The following TYK2 variants were observed in gnomAD, a reference collection of about 807,000 sequenced individuals.
The protein encoded by TYK2 is tyrosine kinase 2.
TYK2 carries 65 observed loss-of-function variants against 130.9 expected under a neutral mutation model. The observed-to-expected ratio is 0.50, with a 90% CI of 0.41 to 0.61. The LOEUF is 0.61. Among genes scored for constraint, TYK2 ranks in the 20% least tolerant of loss-of-function variants. The probability of loss-of-function intolerance (pLI) is 0.00; values close to 1 mark genes in which losing one functional copy is unlikely to be tolerated. For synonymous variants in TYK2, 647 were observed against 658.9 expected, an observed-to-expected ratio of 0.98 and a Z score of 0.28; for missense variants, 1,378 against 1,610.7, an observed-to-expected ratio of 0.86 and a Z score of 2.47.
intron 1 of TYK2, among the ~76,000 whole-genome samples, chr19:10,380,160 C>T (rs1180633762): frequency 6.6e-6 from 1 of 152,232 alleles, no homozygotes; most frequent in African/African-American, 2.4e-5. Context: ...TTAGCCTTTG[C>T]CATTAATACC....
chr19:10,354,708 G>A (rs2040998690), intron 18 of TYK2, 99 bp from the exon 19 acceptor site: 2 of 971,854 alleles, frequency 2.1e-6, no homozygotes, highest in African/African-American at 1.6e-5. Flanking sequence ...CCCAGGATCC[G>A]ATTCTAGAGG....
chr19:10,357,592 TAAAA>T (rs1007003558), intron 17 of TYK2, 168 bp downstream of exon 17: 32 of 894,022 alleles, frequency 3.6e-5, no homozygotes, highest in Non-Finnish European at 5.0e-5. Context: ...CACAAGGACC[TAAAA>T]AGGCTGGGAC....
Position 10,353,329 on chromosome 19 carries a change from G to A in TYK2, c.3027+199C>T, listed in dbSNP as rs901717933. 5.2e-6 allele frequency: 3 copies of A among 577,512 alleles called. No homozygotes were observed. The highest frequency in any genetic ancestry group is 5.4e-5 in the South Asian group (2 of 36,716). 35.8% of individuals were successfully genotyped at this position (577,512 alleles called of 1,614,324 possible). The stretch of plus-strand genomic sequence containing the variant: ...GCAGGAGGGCGAGTTGGGAGGGGCC[G>A]AGCCGGCTGTGCGTGGTCCCTTGGG... On this transcript the variant is annotated intron_variant, in intron 21 of 24. Coordinates refer to ENST00000525621, the MANE Select transcript of TYK2 (RefSeq NM_003331.5). This position sits in a 1 kb window ranked among gnomAD's most constrained non-coding sequence, Gnocchi z 6.9.
Position 10,353,658 on chromosome 19 carries a change from A to G in TYK2, c.2909-12T>C, listed in dbSNP as rs1333557220. On this transcript the variant is annotated splice_polypyrimidine_tract_variant and intron_variant, in intron 20 of 24. Transcript: ENST00000525621. This position sits in a 1 kb window ranked among gnomAD's most constrained non-coding sequence, Gnocchi z 6.9. ...CAGCGACTTCTCGCCTGCCGCGGAG[A>G]GGGGCGGCCCCGGTGGGGGACGATA... The G allele has an allele frequency of 1.4e-6, 2 of 1,465,652 alleles. No homozygotes were observed. Among genetic ancestry groups the G allele is most frequent in the African/African-American group, 2.8e-5 (2 of 70,680 alleles). 90.8% of individuals were successfully genotyped at this position (1,465,652 alleles called of 1,614,324 possible). A position where few individuals can be genotyped will look rare whatever the true frequency, so the allele number is the denominator to read the frequency against.
intron 1 of TYK2, 52 bp downstream of exon 1, chr19:10,380,328 C>A (rs760571941): frequency 6.6e-6 from 1 of 152,650 alleles, no homozygotes; most frequent in Admixed American, 6.5e-5. Context: ...TGTCCTCCCC[C>A]CAAAACCTCT....
At chr19:10,355,680 T>C (rs1298870910) in intron 18 of TYK2, among the ~76,000 whole-genome samples, 8 of 120,980 alleles carry the variant, frequency 6.6e-5, no homozygotes, top group Admixed American at 2.5e-4. Context: ...AAAAAGAAAA[T>C]AGGTCAGGCG....
intron 3 of TYK2, among the ~76,000 whole-genome samples, chr19:10,370,675 G>A (rs2041875666): frequency 6.6e-6 from 1 of 151,830 alleles, no homozygotes; most frequent in South Asian, 2.1e-4. Flanking sequence ...AAAATTAGCT[G>A]GGTGTGGGGG....
chr19:10,357,814 C>T lies in TYK2; in HGVS notation c.2416G>A (p.Glu806Lys), dbSNP rs2145184483. The change falls in exon 17 of 25, where the codon GAG becomes AAG. Residue 806 changes from glutamate to lysine, a missense_variant. Transcript: ENST00000525621. ...DKWGFGATLL[E>K]ICFDGEAPLQ... ...GGGGCCTCTCCGTCAAAGCAGATCT[C>T]CAGGAGGGTGGCGCCAAACCCCCAC... 1 of 1,613,574 alleles carries T rather than the reference C, an allele frequency of 6.2e-7. No homozygotes were observed. The highest frequency in any genetic ancestry group is 8.5e-7 in the Non-Finnish European group (1 of 1,179,940).
At chr19:10,372,479 TATATA>T (rs1458004959) in intron 3 of TYK2, among the ~76,000 whole-genome samples, 30 of 71,986 alleles carry the variant, frequency 4.2e-4, no homozygotes, top group African/African-American at 1.5e-3. Context: ...TATATATATA[TATATA>T]TTTTTTTTTT....
chr19:10,368,094 T>G lies in TYK2; in HGVS notation c.426A>C (p.Gln142His). ...ASSDQTAQGM[Q>H]LLDPASFEYL... ...ACTCAAATGAGGCTGGGTCCAGGAG[T>G]TGCATCCCCTGTGCTGTCTGATCTG... The change falls in exon 5 of 25, where the codon CAA becomes CAC. Residue 142 changes from glutamine to histidine, a missense_variant. Coordinates refer to ENST00000525621, the MANE Select transcript of TYK2 (RefSeq NM_003331.5). 2 of 1,613,788 alleles carry G rather than the reference T, an allele frequency of 1.2e-6. No individual in the cohort carries two copies. Among genetic ancestry groups the G allele is most frequent in the South Asian group, 2.2e-5 (2 of 91,068 alleles).
chr19:10,357,080 T>C (rs1568330104), intron 17 of TYK2: 1 of 405,428 alleles, frequency 2.5e-6, no homozygotes, highest in Non-Finnish European at 4.6e-6. Context: ...TTGGCATAAT[T>C]CTACACTTAG....
In TYK2 at chr19:10,365,788, G is replaced by A. The variant is rs746989305; in HGVS notation, c.740C>T (p.Pro247Leu). ...VFRRFLRDFQPGRLSQQMVMV... is the reference protein window; with the variant it reads ...VFRRFLRDFQLGRLSQQMVMV... Reference sequence around the variant, plus strand: ...GACCATCTGCTGGGAGAGTCGGCCCGGCTGGAAGTCCCGCAGGAACCTGCG... The same window carrying A: ...GACCATCTGCTGGGAGAGTCGGCCCAGCTGGAAGTCCCGCAGGAACCTGCG... The change falls in exon 7 of 25, where the codon CCG (proline) becomes CTG (leucine). Residue 247 changes from proline to leucine, a missense_variant. Transcript: ENST00000525621. The A allele has an allele frequency of 1.7e-5, 27 of 1,612,182 alleles. No homozygotes were observed. Among genetic ancestry groups the A allele is most frequent in the East Asian group, 8.9e-5 (4 of 44,866 alleles).
At chr19:10,367,567 G>A (rs188612005) in intron 5 of TYK2, among the ~76,000 whole-genome samples, 1 of 152,140 alleles carries the variant, frequency 6.6e-6, no homozygotes, top group Admixed American at 6.6e-5. Context: ...GGAAGTTGCA[G>A]TGAGCTGAGA....
At chr19:10,369,954 G>A (rs549581195) in intron 3 of TYK2, 3 of 331,682 alleles carry the variant, frequency 9.0e-6, no homozygotes, top group Non-Finnish European at 1.8e-5. Flanking sequence ...TGAGGCAAGA[G>A]AATGGTGTGA....
Position 10,362,651 on chromosome 19 carries a change from T to C in TYK2, c.1374A>G (p.Pro458=). 6.4e-7 allele frequency: 1 copy of C among 1,551,372 alleles called. No individual in the cohort carries two copies. Among genetic ancestry groups the C allele is most frequent in the South Asian group, 1.2e-5 (1 of 84,054 alleles). ...RDGIHGPLLE[P]FVQAKLRPED... The stretch of plus-strand genomic sequence containing the variant: ...CGGGCCGCAGCTTGGCCTGCACAAA[T>C]GGCTCCCTGGAAGGTGGTCCAGGGG... The change falls in exon 10 of 25, where the codon CCA becomes CCG. Residue 458 remains proline, a synonymous_variant. Transcript: ENST00000525621.
In TYK2 at chr19:10,353,663, C is replaced by A; in HGVS notation, c.2909-17G>T. On this transcript the variant is annotated splice_polypyrimidine_tract_variant and intron_variant, in intron 20 of 24. Coordinates refer to ENST00000525621, the MANE Select transcript of TYK2 (RefSeq NM_003331.5). The surrounding 1 kb of genome is among the most constrained non-coding windows in gnomAD (Gnocchi z 6.9). ...ACTTCTCGCCTGCCGCGGAGAGGGG[C>A]GGCCCCGGTGGGGGACGATAGAGGG... is the stretch of plus-strand genomic sequence containing the variant. The A allele has an allele frequency of 6.8e-7, 1 of 1,464,638 alleles. No homozygotes were observed. Among genetic ancestry groups the A allele is most frequent in the Non-Finnish European group, 9.0e-7 (1 of 1,105,868 alleles). The allele number at this position is 1,464,638 out of a possible 1,614,324, so 90.7% of individuals were successfully genotyped here.
chr19:10,375,539 C>T (rs2042082376), intron 3 of TYK2, among the ~76,000 whole-genome samples: 1 of 151,876 alleles, frequency 6.6e-6, no homozygotes, highest in African/African-American at 2.4e-5. Context: ...ATGGCTTGAA[C>T]CTGGGACATG....
In TYK2 at chr19:10,350,779, T is replaced by A; in HGVS notation, c.*55A>T. Reference sequence around the variant, plus strand: ...CATCCTGGAGCAGGGAGCAGGAGGCTCCCTCTGCAGCCACTGCCTGGTCCA... The same window carrying A: ...CATCCTGGAGCAGGGAGCAGGAGGCACCCTCTGCAGCCACTGCCTGGTCCA... On this transcript the variant is annotated 3_prime_UTR_variant, in exon 25 of 25. Transcript: ENST00000525621. The A allele has an allele frequency of 4.4e-6, 7 of 1,605,114 alleles. No homozygotes were observed. In the South Asian group the frequency reaches 6.6e-5, roughly 15 times the overall value.
intron 3 of TYK2, chr19:10,369,764 CCGGGCGCAG>C (rs1359445341): frequency 2.2e-6 from 1 of 453,320 alleles, no homozygotes; most frequent in Admixed American, 2.4e-5. Flanking sequence ...TACCTGTCGG[CCGGGCGCAG>C]TGGCTCACGC....
Sources: gnomAD v4.1 joint callset for allele counts (sites outside exome capture counted in the v4.1 genomes callset) on GRCh38, gnomAD v4.1.1 for gene constraint, Gnocchi (gnomAD v3.1) non-coding constraint, MANE v1.5 for transcripts, NCBI Gene and HGNC (gene_info 2026-07-23, HGNC 2026-07-21) for gene names.